The following PHLPP1 variants were observed in gnomAD, a reference collection of about 807,000 sequenced individuals.
The protein encoded by PHLPP1 is PH domain leucine-rich repeat-containing protein phosphatase 1.
PHLPP1 carries 42 observed loss-of-function variants against 117.2 expected under a neutral mutation model. The observed-to-expected ratio is 0.36, with a 90% CI of 0.28 to 0.46. The LOEUF is 0.46. Among genes scored for constraint, PHLPP1 ranks in the 20% least tolerant of loss-of-function variants. The pLI, the probability that PHLPP1 is intolerant of heterozygous loss-of-function variation, is 1.00. For missense variants in PHLPP1, 2,084 were observed against 2,241.9 expected, an observed-to-expected ratio of 0.93 and a Z score of 1.42; for synonymous variants, 1,042 against 970.7, an observed-to-expected ratio of 1.07 and a Z score of -1.37.
chr18:62,850,894 G>A (rs1289881369), intron 3 of PHLPP1, among the ~76,000 whole-genome samples: 3 of 152,198 alleles, frequency 2.0e-5, no homozygotes, highest in African/African-American at 4.8e-5. Context: ...GGCTCATTTT[G>A]TCAAGGGAGG....
intron 13 of PHLPP1, 106 bp downstream of exon 13, chr18:62,958,865 G>A: frequency 7.8e-7 from 1 of 1,279,122 alleles, no homozygotes; most frequent in Non-Finnish European, 1.1e-6. Context: ...TGACTTGTTA[G>A]CTGTGTTAAC....
intron 1 of PHLPP1, among the ~76,000 whole-genome samples, chr18:62,758,887 G>A (rs758917152): frequency 1.3e-5 from 2 of 152,192 alleles, no homozygotes; most frequent in Admixed American, 6.5e-5. Context: ...AGGGGAGAAT[G>A]GAGGCTCTTG....
chr18:62,788,337 A>G (rs1224830307), intron 1 of PHLPP1, among the ~76,000 whole-genome samples: 2 of 152,154 alleles, frequency 1.3e-5, no homozygotes, highest in Non-Finnish European at 2.9e-5. Context: ...GGGAAGGATG[A>G]CTGTTGTCAG....
At chr18:62,958,436 AT>A (rs1331043959) in intron 12 of PHLPP1, among the ~76,000 whole-genome samples, 192 bp from the exon 13 acceptor site, 1 of 152,110 alleles carries the variant, frequency 6.6e-6, no homozygotes, top group African/African-American at 2.4e-5. Flanking sequence ...AAATTAAAAA[AT>A]TTTTTTTGCA....
intron 1 of PHLPP1, among the ~76,000 whole-genome samples, chr18:62,780,426 TTTGAGAATTTTATGA>T (rs1913086001): frequency 6.6e-6 from 1 of 152,226 alleles, no homozygotes; most frequent in Admixed American, 6.5e-5. Flanking sequence ...TTGGAAGTCA[TTTGAGAATTTTATGA>T]TTGACTTGGC....
chr18:62,893,487 A>G (rs1916477009), intron 4 of PHLPP1, among the ~76,000 whole-genome samples: 1 of 152,250 alleles, frequency 6.6e-6, no homozygotes, highest in Non-Finnish European at 1.5e-5. Flanking sequence ...TCAGCCATCC[A>G]AGTAAACAGG....
chr18:62,843,042 C>T (rs1915092663), intron 3 of PHLPP1: 1 of 152,176 alleles, frequency 6.6e-6, no homozygotes, highest in Non-Finnish European at 1.5e-5. Context: ...CTTCCAGTTT[C>T]CCCCTTCAAT....
chr18:62,969,742 T>G (rs1007889241), intron 14 of PHLPP1, among the ~76,000 whole-genome samples: 6 of 152,232 alleles, frequency 3.9e-5, no homozygotes, highest in Non-Finnish European at 8.8e-5. Flanking sequence ...ATAATATTCT[T>G]TGTTCTGAAA....
intron 8 of PHLPP1, among the ~76,000 whole-genome samples, chr18:62,913,901 A>G (rs1423512593): frequency 7.1e-4 from 107 of 151,630 alleles, no homozygotes; most frequent in Non-Finnish European, 2.9e-5. Context: ...GTGCCACCAC[A>G]CCCGGCTAAT....
chr18:62,760,082 G>A (rs1568106138), intron 1 of PHLPP1, among the ~76,000 whole-genome samples: 2 of 152,168 alleles, frequency 1.3e-5, no homozygotes, highest in South Asian at 4.1e-4. Flanking sequence ...TTGAAAACTG[G>A]CAGTTCTAAG....
chr18:62,837,277 C>G (rs1914932253), intron 2 of PHLPP1, among the ~76,000 whole-genome samples: 1 of 152,124 alleles, frequency 6.6e-6, no homozygotes, highest in Non-Finnish European at 1.5e-5. Context: ...CAAGTGTGAG[C>G]CTGCACCTGG....
intron 4 of PHLPP1, among the ~76,000 whole-genome samples, chr18:62,863,827 A>T (rs1032719971): frequency 6.6e-6 from 1 of 152,034 alleles, no homozygotes; most frequent in African/African-American, 2.4e-5. Flanking sequence ...TGTGACCTGT[A>T]TCTTGTGCTG....
intron 4 of PHLPP1, among the ~76,000 whole-genome samples, chr18:62,866,190 C>T (rs1293374277): frequency 2.0e-5 from 3 of 151,402 alleles, no homozygotes; most frequent in South Asian, 2.1e-4. Context: ...ATATCTGTAA[C>T]GTTTATTTCT....
chr18:62,726,080 C>A (rs1028958780), intron 1 of PHLPP1, among the ~76,000 whole-genome samples: 5 of 151,792 alleles, frequency 3.3e-5, no homozygotes, highest in African/African-American at 7.3e-5. Context: ...CTTATTCTTC[C>A]TTATGCACAC....
intron 4 of PHLPP1, among the ~76,000 whole-genome samples, chr18:62,893,662 T>A (rs1174658074): frequency 5.3e-5 from 8 of 152,226 alleles, no homozygotes. Flanking sequence ...CTAGGCAGAG[T>A]GCATACTGTC....
At chr18:62,918,316 A>C (rs1188663400) in intron 9 of PHLPP1, among the ~76,000 whole-genome samples, 1 of 151,702 alleles carries the variant, frequency 6.6e-6, no homozygotes, top group Non-Finnish European at 1.5e-5. Flanking sequence ...AAAAGAATTG[A>C]ACTAAACCCA....
intron 1 of PHLPP1, among the ~76,000 whole-genome samples, chr18:62,783,772 C>T (rs1913197559): frequency 6.6e-6 from 1 of 151,654 alleles, no homozygotes; most frequent in Admixed American, 6.6e-5. Flanking sequence ...CTAATTAAAT[C>T]ATGTTTCTTA....
rs1336983180 is a variant in PHLPP1, at chr18:62,874,467, C to T, written c.2066+13866C>T. ...GAGGTTGCAGTGAGCTGAGATTGCG[C>T]CACTGCACTCCAGCCTGGGTGACAG... On this transcript the variant is annotated intron_variant, in intron 4 of 16. Transcript: ENST00000262719. Among the ~76,000 whole-genome samples, 11 of 152,130 alleles carry T rather than the reference C, an allele frequency of 7.2e-5. No individual in the cohort carries two copies. The East Asian group carries it at 2.1e-3, about 29-fold the overall frequency.
In PHLPP1 at chr18:62,924,849, A is replaced by G. The variant is rs564815930; in HGVS notation, c.2960+4735A>G. ...GTGTGACCGTGTCTCAAAAAATGAA[A>G]AAAAGGTATTACAACTTTAGAATAG... On this transcript the variant is annotated intron_variant, in intron 10 of 16. Transcript: ENST00000262719. Among the ~76,000 whole-genome samples, 74 of 150,484 alleles carry G rather than the reference A, an allele frequency of 4.9e-4. 2 individuals carry two copies. The South Asian group carries it at 0.016, about 32-fold the overall frequency.
Sources: allele counts gnomAD v4.1 joint callset (sites outside exome capture counted in the v4.1 genomes callset), GRCh38; gene constraint gnomAD v4.1.1; transcripts MANE v1.5; gene names NCBI Gene and HGNC (gene_info 2026-07-23, HGNC 2026-07-21).